The following POLE variants were observed in gnomAD, a reference collection of about 807,000 sequenced individuals.
POLE encodes DNA polymerase epsilon catalytic subunit A.
A neutral mutation model predicts 279.2 loss-of-function variants in POLE; 188 were observed. The ratio of observed to expected loss-of-function variants is 0.67; its 90% CI spans 0.60 to 0.76. The LOEUF (loss-of-function observed/expected upper bound fraction) is 0.76. POLE is among the 30% of genes least tolerant of loss of function. The pLI is 0.00. For missense variants in POLE, 2,703 were observed against 3,016.7 expected (o/e 0.90, Z 2.44); for synonymous variants, 1,214 against 1,172.5 (o/e 1.04, Z -0.72).
chr12:132,647,483 T>C (rs1350603845), intron 32 of POLE, among the ~76,000 whole-genome samples: 1 of 151,718 alleles, frequency 6.6e-6, no homozygotes, highest in East Asian at 1.9e-4. Context: ...CTCTCGTATC[T>C]TGCTTTTTAA....
chr12:132,658,900 A>AAC (rs2042612997), intron 26 of POLE, among the ~76,000 whole-genome samples: 2 of 150,860 alleles, frequency 1.3e-5, no homozygotes, highest in South Asian at 4.2e-4. Flanking sequence ...AAAAAAAAAA[A>AAC]AAAAAAAAGA....
Position 132,649,529 on chromosome 12 carries a change from T to C in POLE, c.3796-14A>G. On this transcript the variant is annotated splice_polypyrimidine_tract_variant and intron_variant, in intron 30 of 48. Coordinates refer to ENST00000320574, the MANE Select transcript of POLE (RefSeq NM_006231.4). ...AAGCCATTCCTCCTGGGATGGATGG[T>C]GAGCACAGCCAGTGTGCAAGTGGTG... is the stretch of plus-strand genomic sequence containing the variant. 1 of 1,611,394 alleles carries C rather than the reference T, an allele frequency of 6.2e-7. No individual in the cohort carries two copies. The highest frequency in any genetic ancestry group is 8.5e-7 in the Non-Finnish European group (1 of 1,179,190).
In POLE at chr12:132,676,261, C is replaced by T. The variant is rs551522081; in HGVS notation, c.910-57G>A. The T allele has an allele frequency of 2.2e-5, 25 of 1,138,706 alleles. No homozygotes were observed. In the African/African-American group the frequency reaches 2.9e-4, roughly 13 times the overall value. The allele number at this position is 1,138,706 out of a possible 1,614,324, so 70.5% of individuals were successfully genotyped here. ...CAGAGGCTGCAAAGCCAAGAAATGGCGTTCCCACCCTGCCCACACACTCTG... is the reference window on the plus strand; with the variant it reads ...CAGAGGCTGCAAAGCCAAGAAATGGTGTTCCCACCCTGCCCACACACTCTG... On this transcript the variant is annotated intron_variant, in intron 9 of 48. Coordinates refer to ENST00000320574, the MANE Select transcript of POLE (RefSeq NM_006231.4).
rs1344990011 is a variant in POLE, at chr12:132,668,102, T to TAG, written c.2173+252_2173+253dup. 7.4e-5 allele frequency among the ~76,000 whole-genome samples: 11 copies of TAG among 149,524 alleles called. No homozygotes were observed. The highest frequency in any genetic ancestry group is 2.7e-4 in the Admixed American group (4 of 15,052). On this transcript the variant is annotated intron_variant, in intron 19 of 48. Transcript: ENST00000320574. This position sits in a 1 kb window ranked among gnomAD's most constrained non-coding sequence, Gnocchi z 4.0. ...CATTTCAAAAAAAAAAAGAAAGAAA[T>TAG]AGGACAGCCCAGGGGTAGGAACAGG...
At chr12:132,679,893 C>G in intron 5 of POLE, 61 bp downstream of exon 5, 1 of 1,267,442 alleles carries the variant, frequency 7.9e-7, no homozygotes, top group Non-Finnish European at 1.1e-6. Context: ...CCGATCCCAC[C>G]TGCCAGGAAC....
rs869312803 is a variant in POLE, at chr12:132,676,173, G to C, written c.941C>G (p.Ser314Ter). The C allele has an allele frequency of 7.4e-6, 12 of 1,613,182 alleles. No individual in the cohort carries two copies. The highest frequency in any genetic ancestry group is 9.3e-6 in the Non-Finnish European group (11 of 1,179,694). Residue 314 changes from serine (S) to a stop codon, truncating the protein, a stop_gained, in exon 10 of 49, where the codon TCA becomes TGA. Transcript: ENST00000320574. LOFTEE classifies it high-confidence loss of function. The part of the protein sequence containing the change: ...GYLITNREIV[S>*]EDIEDFEFTP... ...GAACTCAAAATCTTCAATATCTTCT[G>C]AAACAATCTCCCTGTTGGTGATGAG... is the stretch of plus-strand genomic sequence containing the variant.
rs775556994 is a variant in POLE, at chr12:132,643,907, T to A, written c.4220A>T (p.Tyr1407Phe). The A allele has an allele frequency of 1.2e-6, 2 of 1,614,156 alleles. No individual in the cohort carries two copies. Among genetic ancestry groups the A allele is most frequent in the Non-Finnish European group, 1.7e-6 (2 of 1,179,978 alleles). Residue 1407 changes from tyrosine to phenylalanine, a missense_variant, in exon 33 of 49, where the codon TAC becomes TTC. Physicochemically the swap from Tyr to Phe is conservative, Grantham distance 22. Around this residue, in one of 5 missense-constraint regions of POLE, gnomAD observed 1,551 missense variants for 1,686.1 expected, o/e 0.92. Coordinates refer to ENST00000320574, the MANE Select transcript of POLE (RefSeq NM_006231.4). ...GTTGATCTCGTTGATGTGTTCCTGG[T>A]ACATGTCCTCTGGCACTGAATACTC... ...LYEYSVPEDM[Y>F]QEHINEINAE...
intron 26 of POLE, 68 bp downstream of exon 26, chr12:132,659,227 C>A (rs5744864): frequency 6.7e-7 from 1 of 1,495,648 alleles, no homozygotes. Context: ...CTCTCCGTGA[C>A]GGAGGGAGCC....
At chr12:132,645,159 G>A (rs558803856) in intron 32 of POLE, among the ~76,000 whole-genome samples, 44 of 96,202 alleles carry the variant, frequency 4.6e-4, no homozygotes, top group African/African-American at 1.9e-3. Context: ...CTAGCTTCCT[G>A]TGTGGGGTCC....
In POLE at chr12:132,661,216, C is replaced by T. The variant is rs763570508; in HGVS notation, c.2865-52G>A. On this transcript the variant is annotated intron_variant, in intron 24 of 48. Transcript: ENST00000320574. The surrounding 1 kb of genome is among the most constrained non-coding windows in gnomAD (Gnocchi z 4.1). Reference sequence around the variant, plus strand: ...AGCAGTGGCAAGGAGCGCTGGGGAGCCACCAGCTGTGCCTCATCCTCTCTG... The same window carrying T: ...AGCAGTGGCAAGGAGCGCTGGGGAGTCACCAGCTGTGCCTCATCCTCTCTG... 1.3e-6 allele frequency: 2 copies of T among 1,484,334 alleles called. No homozygotes were observed. Among genetic ancestry groups the T allele is most frequent in the Non-Finnish European group, 1.8e-6 (2 of 1,099,018 alleles). 91.9% of individuals were successfully genotyped at this position (1,484,334 alleles called of 1,614,324 possible).
Position 132,632,787 on chromosome 12 carries a change from C to T in POLE, c.6013G>A (p.Val2005Met), listed in dbSNP as rs1060500812. ...TCCTTCATGCAGTGGTACACGGCCA[C>T]GATGTACGCTGTGGAGAGGCACACA... ...YFLMIVSAYI[V>M]AVYHCMKDGL... The change falls in exon 44 of 49, where the codon GTG becomes ATG. Residue 2005 changes from valine (V) to methionine (M), a missense_variant. Val to Met is a conservative substitution (Grantham distance 21, BLOSUM62 1). Coordinates refer to ENST00000320574, the MANE Select transcript of POLE (RefSeq NM_006231.4). 20 of 1,606,992 alleles carry T rather than the reference C, an allele frequency of 1.2e-5. No homozygotes were observed. Among genetic ancestry groups the T allele is most frequent in the African/African-American group, 5.3e-5 (4 of 74,874 alleles).
Position 132,652,200 on chromosome 12 carries a change from TTTAA to T in POLE, c.3583-2315_3583-2312del, listed in dbSNP as rs1253578421. ...GTCACAGACTACACAAGATTTAACT[TTTAA>T]TTAATTGATCATTCTTTCCCTTTGT... is the stretch of plus-strand genomic sequence containing the variant. On this transcript the variant is annotated intron_variant, in intron 29 of 48. Transcript: ENST00000320574. Among the ~76,000 whole-genome samples the T allele has an allele frequency of 3.3e-5, 5 of 152,188 alleles. No homozygotes were observed. The East Asian group carries it at 9.6e-4, about 29-fold the overall frequency.
chr12:132,683,907 G>A (rs1342454207), intron 1 of POLE, among the ~76,000 whole-genome samples: 3 of 152,120 alleles, frequency 2.0e-5, no homozygotes, highest in African/African-American at 7.2e-5. Flanking sequence ...AGCTACCATC[G>A]ACTGGTTACT....
At chr12:132,659,577 T>C (rs2042634321) in intron 25 of POLE, 68 bp from the exon 26 acceptor site, 2 of 1,367,182 alleles carry the variant, frequency 1.5e-6, no homozygotes, top group South Asian at 1.2e-5. Context: ...CCCTGGACTG[T>C]GCTCCTCTAG....
rs756931710 is a variant in POLE, at chr12:132,624,810, C to A, written c.6748G>T (p.Val2250Phe). The A allele has an allele frequency of 1.2e-6, 2 of 1,608,708 alleles. No homozygotes were observed. Among genetic ancestry groups the A allele is most frequent in the African/African-American group, 1.3e-5 (1 of 74,810 alleles). Residue 2250 changes from valine to phenylalanine, a missense_variant and splice_region_variant, in exon 49 of 49, where the codon GTC (valine) becomes TTC (phenylalanine). Transcript: ENST00000320574. ...GDFALTIHTQ[V>F]FMEQIGIFRN... ...AATATTCCGATCTGTTCCATGAAGACCTGCAGGAATAAACAGGCACAGTGA... is the reference window on the plus strand; with the variant it reads ...AATATTCCGATCTGTTCCATGAAGAACTGCAGGAATAAACAGGCACAGTGA...
chr12:132,652,144 T>C (rs2042435550), intron 29 of POLE, among the ~76,000 whole-genome samples: 1 of 152,276 alleles, frequency 6.6e-6, no homozygotes, highest in Middle Eastern at 3.4e-3. Flanking sequence ...TTATCACCAG[T>C]GTCAACAATT....
In POLE at chr12:132,676,090, T is replaced by C. The variant is rs1309285050; in HGVS notation, c.1020+4A>G. ...GGGTAGTTTCCCAAGTGATACCTCC[T>C]TACCTCATCGGGTTCATTGAAGACA... On this transcript the variant is annotated splice_donor_region_variant and intron_variant, in intron 10 of 48. Coordinates refer to ENST00000320574, the MANE Select transcript of POLE (RefSeq NM_006231.4). 12 of 1,589,176 alleles carry C rather than the reference T, an allele frequency of 7.6e-6. No homozygotes were observed. The highest frequency in any genetic ancestry group is 1.0e-5 in the Non-Finnish European group (12 of 1,161,158).
rs542666753 is a variant in POLE, at chr12:132,679,236, G to A, written c.578+261C>T. Reference sequence around the variant, plus strand: ...GATGAGGGATCTTTTCCCCTCTAAGGTGACTTTACTATTACAACCACTCAA... The same window carrying A: ...GATGAGGGATCTTTTCCCCTCTAAGATGACTTTACTATTACAACCACTCAA... On this transcript the variant is annotated intron_variant, in intron 6 of 48. Coordinates refer to ENST00000320574, the MANE Select transcript of POLE (RefSeq NM_006231.4). Among the ~76,000 whole-genome samples the A allele has an allele frequency of 2.6e-4, 39 of 152,204 alleles. No homozygotes were observed. In the South Asian group the frequency reaches 7.9e-3, roughly 31 times the overall value.
intron 1 of POLE, among the ~76,000 whole-genome samples, chr12:132,686,919 C>G (rs1455236689): frequency 6.6e-6 from 1 of 151,430 alleles, no homozygotes; most frequent in Non-Finnish European, 1.5e-5. Context: ...GGGCCTGGCC[C>G]GGGTCCCGCC....
Sources: gnomAD v4.1 joint callset for allele counts (sites outside exome capture counted in the v4.1 genomes callset) on GRCh38, gnomAD v4.1.1 for gene constraint, gnomAD v4.1.1 regional missense constraint, Gnocchi (gnomAD v3.1) non-coding constraint, MANE v1.5 for transcripts, NCBI Gene and HGNC (gene_info 2026-07-23, HGNC 2026-07-21) for gene names.